Variants in ZNF410 observed in about 807,000 individuals in gnomAD.
ZNF410 encodes another partner for ARF 1.
A neutral mutation model predicts 54.8 loss-of-function variants in ZNF410; 18 were observed. That is an observed-to-expected ratio of 0.33 (90% CI 0.23 to 0.49). ZNF410 has a LOEUF of 0.49. Ranked by LOEUF, ZNF410 falls within the 20% of genes least tolerant of loss-of-function variation. The pLI, the probability that ZNF410 is intolerant of heterozygous loss-of-function variation, is 0.99. For synonymous variants in ZNF410, 191 were observed against 207.3 expected, an observed-to-expected ratio of 0.92 and a Z score of 0.68; for missense variants, 405 against 569.6, an observed-to-expected ratio of 0.71 and a Z score of 2.94.
Position 73,893,889 on chromosome 14 carries a change from T to C in ZNF410, c.126T>C (p.Leu42=). 1 of 1,613,926 alleles carries C rather than the reference T, an allele frequency of 6.2e-7. No individual in the cohort carries two copies. The highest frequency in any genetic ancestry group is 1.1e-5 in the South Asian group (1 of 91,040). Residue 42 remains leucine, a synonymous_variant, in exon 3 of 12, where the codon CTT becomes CTC. Transcript: ENST00000555044. ...EAKDITCLSL[L]PVTEASECSR... ...AAGATATTACTTGCTTGTCCCTCCT[T>C]CCCGTGACTGAAGCCTCAGAATGCA...
At chr14:73,911,416 A>G (rs1241142939) in intron 8 of ZNF410, among the ~76,000 whole-genome samples, 2 of 152,182 alleles carry the variant, frequency 1.3e-5, no homozygotes, top group Admixed American at 1.3e-4. Flanking sequence ...GGAGCAAGGA[A>G]GTTGGAGAGT....
chr14:73,897,755 CGAG>C (rs2055341847), intron 4 of ZNF410, among the ~76,000 whole-genome samples: 1 of 151,938 alleles, frequency 6.6e-6, no homozygotes, highest in Non-Finnish European at 1.5e-5. Context: ...GGGCGAATCA[CGAG>C]GTCAGGAGTT....
intron 5 of ZNF410, chr14:73,898,581 GTAAACTTCA>G (rs1287109110): frequency 8.9e-6 from 4 of 450,736 alleles, no homozygotes; most frequent in Non-Finnish European, 1.2e-5. Flanking sequence ...TAAATTCTGT[GTAAACTTCA>G]TATACTTAGA....
intron 11 of ZNF410, among the ~76,000 whole-genome samples, chr14:73,928,372 A>G (rs1014820883): frequency 6.6e-6 from 1 of 152,112 alleles, no homozygotes; most frequent in Non-Finnish European, 1.5e-5. Context: ...ACATGGGATG[A>G]AGAGATGGGC....
rs562412611 is a variant in ZNF410 at position 73,932,396 on chromosome 14, G to A, written c.*855G>A. 179 of 442,546 alleles carry A rather than the reference G, an allele frequency of 4.0e-4. No individual in the cohort carries two copies. The highest frequency in any genetic ancestry group is 8.5e-4 in the South Asian group (52 of 61,174). 27.4% of individuals were successfully genotyped at this position (442,546 alleles called of 1,614,324 possible). ...GATTCCATACCAGTAAAACTGAACC[G>A]AGGAGTCTTAGGAAACAACAAGAAC... On this transcript the variant is annotated 3_prime_UTR_variant, in exon 12 of 12. Coordinates refer to ENST00000555044, the MANE Select transcript of ZNF410 (RefSeq NM_021188.3).
Position 73,905,978 on chromosome 14 carries a change from T to A in ZNF410, c.913+895T>A, listed in dbSNP as rs1233510891. Among the ~76,000 whole-genome samples, 6 of 142,364 alleles carry A rather than the reference T, an allele frequency of 4.2e-5. No individual in the cohort carries two copies. The South Asian group carries it at 1.3e-3, about 32-fold the overall frequency. The allele number at this position is 142,364 out of a possible 152,430, so 93.4% of individuals were successfully genotyped here. ...ACACACACACACACACATATATATA[T>A]ATATATATATATATATACACACATA... On this transcript the variant is annotated intron_variant, in intron 7 of 11. Coordinates refer to ENST00000555044, the MANE Select transcript of ZNF410 (RefSeq NM_021188.3).
intron 9 of ZNF410, 89 bp downstream of exon 9, chr14:73,921,194 C>T: frequency 6.4e-7 from 1 of 1,556,628 alleles, no homozygotes. Flanking sequence ...TGGAAATTTT[C>T]TGATTCTGTT....
At position 73,904,152 on chromosome 14, in the gene ZNF410, C is replaced by T. The variant is rs181334427; in HGVS notation, c.731+42C>T. On this transcript the variant is annotated intron_variant, in intron 6 of 11. Transcript: ENST00000555044. ...TCTCATATTTGGATATACGTTGATGCAAAAGTTGATTCTTCCAGAGGAACT... is the reference window on the plus strand; with the variant it reads ...TCTCATATTTGGATATACGTTGATGTAAAAGTTGATTCTTCCAGAGGAACT... 550 of 1,578,006 alleles carry T rather than the reference C, an allele frequency of 3.5e-4. 1 individual carries two copies. In the African/African-American group the frequency reaches 4.1e-3, roughly 12 times the overall value.
intron 7 of ZNF410, among the ~76,000 whole-genome samples, chr14:73,908,418 T>A (rs1305045869): frequency 6.6e-6 from 1 of 152,228 alleles, no homozygotes; most frequent in African/African-American, 2.4e-5. Flanking sequence ...AGTATATTGC[T>A]CATTCTTTCA....
chr14:73,912,067 TG>T (rs1349724337), intron 8 of ZNF410, among the ~76,000 whole-genome samples: 6 of 152,202 alleles, frequency 3.9e-5, no homozygotes, highest in Non-Finnish European at 7.3e-5. Context: ...CTTCGTTTTG[TG>T]TCACATCAGG....
intron 1 of ZNF410, among the ~76,000 whole-genome samples, chr14:73,888,856 C>T (rs1176874074): frequency 6.6e-6 from 1 of 152,162 alleles, no homozygotes; most frequent in Non-Finnish European, 1.5e-5. Context: ...CTTAATGCAT[C>T]CTGCTATTTT....
intron 7 of ZNF410, among the ~76,000 whole-genome samples, chr14:73,908,750 G>A (rs1046737287): frequency 2.0e-5 from 3 of 152,120 alleles, no homozygotes; most frequent in Admixed American, 1.3e-4. Flanking sequence ...TTACTGCAAC[G>A]GAGCACTTTT....
intron 1 of ZNF410, among the ~76,000 whole-genome samples, chr14:73,887,790 T>G (rs1184096062): frequency 6.6e-6 from 1 of 152,160 alleles, no homozygotes; most frequent in Non-Finnish European, 1.5e-5. Flanking sequence ...TAAGTTCTAG[T>G]TTTTTACGTT....
At position 73,921,101 on chromosome 14, in the gene ZNF410, A is replaced by T. The variant is rs761311701; in HGVS notation, c.1125A>T (p.Gln375His). Residue 375 changes from glutamine (Q) to histidine (H), a missense_variant, in exon 9 of 12, where the codon CAA (glutamine) becomes CAT (histidine). Physicochemically the swap from Gln to His is conservative, Grantham distance 24 (BLOSUM62 0). Around this residue, in one of 3 missense-constraint regions of ZNF410, gnomAD observed 127 missense variants for 141.3 expected, o/e 0.90. Transcript: ENST00000555044. The stretch of plus-strand genomic sequence containing the variant: ...CAGCTGGGAGTCAAGAGCAGGAGCA[A>T]ACTGGTGAGGAGGGTGGGCATAGTG... ...LGAAGSQEQE[Q>H]TAEPLMGSSL... The T allele has an allele frequency of 6.2e-7, 1 of 1,613,900 alleles. No homozygotes were observed. Among genetic ancestry groups the T allele is most frequent in the East Asian group, 2.2e-5 (1 of 44,888 alleles).
At chr14:73,918,539 G>T (rs1042153957) in intron 8 of ZNF410, among the ~76,000 whole-genome samples, 1 of 151,836 alleles carries the variant, frequency 6.6e-6, no homozygotes, top group South Asian at 2.1e-4. Flanking sequence ...ATCCCAAAAA[G>T]GATCCCCATA....
At chr14:73,918,468 G>A (rs1423084403) in intron 8 of ZNF410, among the ~76,000 whole-genome samples, 1 of 151,680 alleles carries the variant, frequency 6.6e-6, no homozygotes, top group Non-Finnish European at 1.5e-5. Flanking sequence ...GATGTGGATG[G>A]CCAACTATAT....
At chr14:73,927,009 T>C (rs2055843191) in intron 11 of ZNF410, 1 of 153,732 alleles carries the variant, frequency 6.5e-6, no homozygotes, top group African/African-American at 2.4e-5. Context: ...CCATTACTGA[T>C]CATAGCCTAG....
chr14:73,918,370 G>A lies in ZNF410; in HGVS notation c.1004-2610G>A, dbSNP rs372296654. Among the ~76,000 whole-genome samples, 160 of 152,258 alleles carry A rather than the reference G, an allele frequency of 1.1e-3. 5 individuals carry two copies. The South Asian group carries it at 0.033, about 31-fold the overall frequency. ...CTGCCTTGGCCTCCCAAAGTACTAG[G>A]ATTACAGGCATGAGCCACTGCGCCT... is the stretch of plus-strand genomic sequence containing the variant. On this transcript the variant is annotated intron_variant, in intron 8 of 11. Transcript: ENST00000555044.
chr14:73,921,136 A>T, intron 9 of ZNF410, 31 bp downstream of exon 9: 2 of 1,611,520 alleles, frequency 1.2e-6, no homozygotes, highest in Non-Finnish European at 1.7e-6. Context: ...GGAACGCTGT[A>T]CTACTTCTAG....
Sources: allele counts gnomAD v4.1 joint callset (sites outside exome capture counted in the v4.1 genomes callset), GRCh38; gene constraint gnomAD v4.1.1; regional missense constraint gnomAD v4.1.1; transcripts MANE v1.5; gene names NCBI Gene and HGNC (gene_info 2026-07-23, HGNC 2026-07-21).